MAP3K3: variants seen among roughly 807,000 people sequenced by gnomAD.
The protein encoded by MAP3K3 is MAP/ERK kinase kinase 3.
Under a neutral mutation model 80.9 loss-of-function variants are expected in MAP3K3, and 12 were observed. The ratio of observed to expected loss-of-function variants is 0.15; its 90% CI spans 0.10 to 0.24. MAP3K3 has a LOEUF of 0.24. Ranked by LOEUF, MAP3K3 falls within the 10% of genes least tolerant of loss-of-function variation. The pLI, the probability that MAP3K3 is intolerant of heterozygous loss-of-function variation, is 1.00. For missense variants in MAP3K3, 596 were observed against 834.7 expected, an observed-to-expected ratio of 0.71 and a Z score of 3.52; for synonymous variants, 272 against 307.1, an observed-to-expected ratio of 0.89 and a Z score of 1.19.
intron 2 of MAP3K3, chr17:63,637,157 G>T: frequency 7.7e-6 from 2 of 260,182 alleles, no homozygotes; most frequent in East Asian, 8.3e-5. Flanking sequence ...GTGCAAGTGT[G>T]TGAGGCCCTG....
chr17:63,671,044 A>G (rs1429912209), intron 6 of MAP3K3, among the ~76,000 whole-genome samples: 1 of 152,190 alleles, frequency 6.6e-6, no homozygotes, highest in Non-Finnish European at 1.5e-5. Flanking sequence ...GCAAGAATGC[A>G]TGCAAGGGAA....
At chr17:63,681,135 A>G (rs1016667365) in intron 6 of MAP3K3, among the ~76,000 whole-genome samples, 9 of 151,854 alleles carry the variant, frequency 5.9e-5, no homozygotes, top group Non-Finnish European at 7.4e-5. Context: ...AAAAAAGGTA[A>G]TATCATTACT....
At chr17:63,661,164 A>G (rs568184154) in intron 5 of MAP3K3, among the ~76,000 whole-genome samples, 3 of 152,172 alleles carry the variant, frequency 2.0e-5, no homozygotes, top group Non-Finnish European at 2.9e-5. Context: ...CTCCTGCCTC[A>G]GCCTCCTGAG....
intron 3 of MAP3K3, among the ~76,000 whole-genome samples, chr17:63,650,194 C>A (rs1269951240): frequency 6.6e-6 from 1 of 152,204 alleles, no homozygotes; most frequent in African/African-American, 2.4e-5. Context: ...ATTGTCTAAT[C>A]TTTTGCCTTT....
In MAP3K3 at chr17:63,657,948, C is replaced by G. The variant is rs144906918; in HGVS notation, c.381+41C>G. ...CATGGTCTGGCAGCTGAAGACAAAG[C>G]TTGCTTTCCTTCAGGAACTTGTCTC... On this transcript the variant is annotated intron_variant, in intron 5 of 15. Transcript: ENST00000361733. 7.2e-4 allele frequency: 856 copies of G among 1,183,816 alleles called. 12 individuals are homozygous for G. The East Asian group carries it at 0.019, about 26-fold the overall frequency. The allele number at this position is 1,183,816 out of a possible 1,614,324, so 73.3% of individuals were successfully genotyped here. A position where few individuals can be genotyped will look rare whatever the true frequency, so the allele number is the denominator to read the frequency against.
At chr17:63,663,229 G>A (rs777290169) in intron 5 of MAP3K3, among the ~76,000 whole-genome samples, 1 of 152,092 alleles carries the variant, frequency 6.6e-6, no homozygotes, top group African/African-American at 2.4e-5. Flanking sequence ...TTGGCCAGGC[G>A]TGGTGGCTCA....
At position 63,666,942 on chromosome 17, in the gene MAP3K3, C is replaced by G; in HGVS notation, c.384C>G (p.Asn128Lys). 3 of 1,613,054 alleles carry G rather than the reference C, an allele frequency of 1.9e-6. No homozygotes were observed. Among genetic ancestry groups the G allele is most frequent in the Non-Finnish European group, 2.5e-6 (3 of 1,179,714 alleles). Residue 128 changes from asparagine to lysine, a missense_variant and splice_region_variant, in exon 6 of 16, where the codon AAC becomes AAG. This residue lies in a region of MAP3K3 where 232 missense variants were observed against 245.8 expected (regional missense o/e 0.94). Coordinates refer to ENST00000361733, the MANE Select transcript of MAP3K3 (RefSeq NM_002401.5). The stretch of plus-strand genomic sequence containing the variant: ...GCCTTTTTCCTCTTCTTTTACAGAA[C>G]AGTTCCTCTCCCCACTCTGGGGTGT... ...ILLLSQDRNHNSSSPHSGVSR... is the reference protein window; with the variant it reads ...ILLLSQDRNHKSSSPHSGVSR...
At chr17:63,638,886 CATG>C (rs2034386809) in intron 2 of MAP3K3, among the ~76,000 whole-genome samples, 1 of 152,014 alleles carries the variant, frequency 6.6e-6, no homozygotes, top group Admixed American at 6.5e-5. Flanking sequence ...ATTAGCTGGG[CATG>C]ATGATAGGTG....
rs146441469 is a variant in MAP3K3 at position 63,625,424 on chromosome 17, T to A, written c.4+2661T>A. ...TGTTCATAATACCTGAGATTGTTTA[T>A]GTGGTCTTTTTATAAACGCAGTCTG... On this transcript the variant is annotated intron_variant, in intron 1 of 15. Coordinates refer to ENST00000361733, the MANE Select transcript of MAP3K3 (RefSeq NM_002401.5). Among the ~76,000 whole-genome samples the A allele has an allele frequency of 1.4e-3, 220 of 152,362 alleles. 1 individual carries two copies. Among genetic ancestry groups the A allele is most frequent in the Admixed American group, 2.6e-3 (39 of 15,294 alleles).
chr17:63,650,469 A>C (rs925289246), intron 3 of MAP3K3, among the ~76,000 whole-genome samples: 2 of 150,962 alleles, frequency 1.3e-5, no homozygotes, highest in African/African-American at 4.9e-5. Context: ...CACCCAGGTA[A>C]TTTTTAAATT....
intron 2 of MAP3K3, among the ~76,000 whole-genome samples, chr17:63,639,526 A>G (rs149330435): frequency 4.6e-5 from 7 of 152,294 alleles, no homozygotes; most frequent in Non-Finnish European, 7.4e-5. Context: ...TTATGAACAA[A>G]GAAGGAACAT....
chr17:63,667,187 T>A, intron 6 of MAP3K3, 127 bp downstream of exon 6: 1 of 1,011,856 alleles, frequency 9.9e-7, no homozygotes, highest in Non-Finnish European at 1.4e-6. Flanking sequence ...AGAGTAATCC[T>A]TTATGCCTTT....
intron 1 of MAP3K3, among the ~76,000 whole-genome samples, chr17:63,626,544 G>A (rs895102923): frequency 3.3e-5 from 5 of 152,214 alleles, no homozygotes; most frequent in African/African-American, 1.2e-4. Context: ...AATATTGAAT[G>A]CCTATTATAT....
intron 3 of MAP3K3, among the ~76,000 whole-genome samples, chr17:63,652,332 T>C (rs1447846670): frequency 6.6e-6 from 1 of 152,110 alleles, no homozygotes; most frequent in Non-Finnish European, 1.5e-5. Context: ...TGGTTGGGAT[T>C]GAGCAATAGT....
At chr17:63,652,490 C>G in intron 3 of MAP3K3, 67 bp from the exon 4 acceptor site, 1 of 992,704 alleles carries the variant, frequency 1.0e-6, no homozygotes, top group Non-Finnish European at 1.6e-6. Context: ...TATACTCAGA[C>G]CATTGCTTTT....
chr17:63,689,664 C>A lies in MAP3K3; in HGVS notation c.992C>A (p.Pro331His), dbSNP rs915797254. The change falls in exon 11 of 16, where the codon CCC becomes CAC. Residue 331 changes from proline (P) to histidine (H), a missense_variant. Physicochemically the swap from Pro to His is moderately conservative, Grantham distance 77 (BLOSUM62 -2). Coordinates refer to ENST00000361733, the MANE Select transcript of MAP3K3 (RefSeq NM_002401.5). This position sits in a 1 kb window ranked among gnomAD's most constrained non-coding sequence, Gnocchi z 4.3. Reference sequence around the variant, plus strand: ...GGTCTGGCTGTGCAATACCTGGACCCCCGTGGGCGCCTGCGGAGTGCGGAC... The same window carrying A: ...GGTCTGGCTGTGCAATACCTGGACCACCGTGGGCGCCTGCGGAGTGCGGAC... ...NMGLAVQYLD[P>H]RGRLRSADSE... is the part of the protein sequence containing the mutation. 6.2e-7 allele frequency: 1 copy of A among 1,613,934 alleles called. No individual in the cohort carries two copies.
chr17:63,653,810 G>T (rs2034707707), intron 4 of MAP3K3, among the ~76,000 whole-genome samples: 1 of 152,128 alleles, frequency 6.6e-6, no homozygotes, highest in Non-Finnish European at 1.5e-5. Flanking sequence ...ATACCATTCA[G>T]TGGTTTTTAG....
chr17:63,654,524 A>G (rs961164701), intron 4 of MAP3K3, among the ~76,000 whole-genome samples: 2 of 152,136 alleles, frequency 1.3e-5, no homozygotes, highest in Non-Finnish European at 2.9e-5. Context: ...TGCTATGAGC[A>G]TTTGTTTACA....
rs752776142 is a variant in MAP3K3 at position 63,657,776 on chromosome 17, C to T, written c.268-18C>T. 2 of 1,131,932 alleles carry T rather than the reference C, an allele frequency of 1.8e-6. No homozygotes were observed. Among genetic ancestry groups the T allele is most frequent in the South Asian group, 2.7e-5 (2 of 75,236 alleles). 70.1% of individuals were successfully genotyped at this position (1,131,932 alleles called of 1,614,324 possible). Reference sequence around the variant, plus strand: ...TTCTGTTTTATATTATTTTCCTTTTCTATGTCTTGTATCACAGCTCTCCAT... The same window carrying T: ...TTCTGTTTTATATTATTTTCCTTTTTTATGTCTTGTATCACAGCTCTCCAT... On this transcript the variant is annotated intron_variant, in intron 4 of 15. Transcript: ENST00000361733.
Sources: gnomAD v4.1 joint callset for allele counts (sites outside exome capture counted in the v4.1 genomes callset) on GRCh38, gnomAD v4.1.1 for gene constraint, gnomAD v4.1.1 regional missense constraint, Gnocchi (gnomAD v3.1) non-coding constraint, MANE v1.5 for transcripts, NCBI Gene and HGNC (gene_info 2026-07-23, HGNC 2026-07-21) for gene names.